Variants in GLTP observed in about 807,000 individuals in gnomAD.
The protein encoded by GLTP is glycolipid transfer protein.
GLTP carries 22 observed loss-of-function variants against 24.0 expected under a neutral mutation model. The ratio of observed to expected loss-of-function variants is 0.92; its 90% CI spans 0.65 to 1.31. GLTP has a LOEUF of 1.31. GLTP is among the 50% of genes most tolerant of loss of function. GLTP has a pLI of 0.00. For missense variants in GLTP, 224 were observed against 276.6 expected (o/e 0.81, Z 1.35); for synonymous variants, 92 against 115.9 (o/e 0.79, Z 1.33).
chr12:109,871,320 C>T (rs534215762), intron 1 of GLTP, among the ~76,000 whole-genome samples: 2 of 152,100 alleles, frequency 1.3e-5, no homozygotes, highest in East Asian at 1.9e-4. Context: ...CTCCTGACCT[C>T]GTGATCTACC....
At chr12:109,869,511 A>G (rs1868652627) in intron 1 of GLTP, among the ~76,000 whole-genome samples, 1 of 137,934 alleles carries the variant, frequency 7.2e-6, no homozygotes, top group African/African-American at 2.7e-5. Context: ...GCTGGAGTGC[A>G]GTGGCCTGAT....
At chr12:109,879,002 C>A (rs1868971638) in intron 1 of GLTP, among the ~76,000 whole-genome samples, 1 of 152,234 alleles carries the variant, frequency 6.6e-6, no homozygotes, top group African/African-American at 2.4e-5. Context: ...ACTTTACACA[C>A]ACCACCTCAT....
In GLTP at chr12:109,858,666, C is replaced by T. The variant is rs760619246; in HGVS notation, c.162+17G>A. On this transcript the variant is annotated intron_variant, in intron 2 of 4. Coordinates refer to ENST00000318348, the MANE Select transcript of GLTP (RefSeq NM_016433.4). ...TAACGCAAGTCTTGGGCTGTGGCTGCCCGGCCAGGTACATACCGTGATGTT... is the reference window on the plus strand; with the variant it reads ...TAACGCAAGTCTTGGGCTGTGGCTGTCCGGCCAGGTACATACCGTGATGTT... 3.4e-5 allele frequency: 54 copies of T among 1,604,212 alleles called. 1 individual carries two copies. The highest frequency in any genetic ancestry group is 3.0e-5 in the Non-Finnish European group (35 of 1,171,130).
intron 1 of GLTP, among the ~76,000 whole-genome samples, chr12:109,866,759 CTTTTT>C (rs35739263): frequency 8.5e-5 from 11 of 129,890 alleles, no homozygotes; most frequent in South Asian, 2.5e-4. Context: ...CTTTGTGTAT[CTTTTT>C]TTTTTTTTTT....
At chr12:109,873,838 A>G (rs1024257564) in intron 1 of GLTP, among the ~76,000 whole-genome samples, 2 of 152,046 alleles carry the variant, frequency 1.3e-5, no homozygotes, top group African/African-American at 4.8e-5. Flanking sequence ...ACACACACAC[A>G]CAACCAGCCA....
At chr12:109,868,880 A>C (rs1334719134) in intron 1 of GLTP, among the ~76,000 whole-genome samples, 1 of 152,164 alleles carries the variant, frequency 6.6e-6, no homozygotes, top group Non-Finnish European at 1.5e-5. Flanking sequence ...TCTGCTTACT[A>C]TAAGGCCTAT....
In GLTP at chr12:109,855,586, G is replaced by A; in HGVS notation, c.447+33C>T. ...GAGTGGGGAGCAGAATCTGCAAGCT[G>A]GTGGTCCTTTGGGGCTCATGGGGGT... On this transcript the variant is annotated intron_variant, in intron 4 of 4. Coordinates refer to ENST00000318348, the MANE Select transcript of GLTP (RefSeq NM_016433.4). This position sits in a 1 kb window ranked among gnomAD's most constrained non-coding sequence, Gnocchi z 4.1. The A allele has an allele frequency of 6.6e-7, 1 of 1,517,386 alleles. No individual in the cohort carries two copies. 94.0% of individuals were successfully genotyped at this position (1,517,386 alleles called of 1,614,324 possible).
intron 1 of GLTP, among the ~76,000 whole-genome samples, chr12:109,871,767 G>A (rs192270158): frequency 7.2e-5 from 11 of 152,338 alleles, no homozygotes; most frequent in Middle Eastern, 6.8e-3. Flanking sequence ...ACGGTCATAC[G>A]TTATATTTTA....
chr12:109,867,722 C>A (rs948517941), intron 1 of GLTP, among the ~76,000 whole-genome samples: 4 of 152,056 alleles, frequency 2.6e-5, no homozygotes, highest in Non-Finnish European at 5.9e-5. Context: ...CTCATTGTAT[C>A]ACCAAGGATG....
At chr12:109,879,851 A>C (rs1340010202) in intron 1 of GLTP, among the ~76,000 whole-genome samples, 1 of 152,042 alleles carries the variant, frequency 6.6e-6, no homozygotes, top group Non-Finnish European at 1.5e-5. Flanking sequence ...ATTCATTGTA[A>C]GGGGAGCGAG....
intron 1 of GLTP, among the ~76,000 whole-genome samples, chr12:109,859,604 ATTTT>A (rs34889804): frequency 1.3e-5 from 2 of 151,266 alleles, no homozygotes; most frequent in Admixed American, 6.6e-5. Context: ...AACAAAAAAG[ATTTT>A]TTTTAAAAAA....
chr12:109,872,658 C>T (rs1204956417), intron 1 of GLTP, among the ~76,000 whole-genome samples: 1 of 152,228 alleles, frequency 6.6e-6, no homozygotes, highest in Non-Finnish European at 1.5e-5. Context: ...AAAAGCCTCA[C>T]TTACTACTTG....
At chr12:109,871,109 A>C in intron 1 of GLTP, among the ~76,000 whole-genome samples, 1 of 129,772 alleles carries the variant, frequency 7.7e-6, no homozygotes. Context: ...TTTTTCTGAG[A>C]CGGACTCTCG....
chr12:109,854,517 T>C (rs1892771310), intron 4 of GLTP, among the ~76,000 whole-genome samples: 1 of 152,332 alleles, frequency 6.6e-6, no homozygotes, highest in South Asian at 2.1e-4. Flanking sequence ...AAAGATGATA[T>C]TGAGGCTCAG....
chr12:109,873,103 G>C (rs1228546829), intron 1 of GLTP, among the ~76,000 whole-genome samples: 1 of 151,996 alleles, frequency 6.6e-6, no homozygotes, highest in Non-Finnish European at 1.5e-5. Flanking sequence ...AATTCTTCCA[G>C]TGTGGCCCTG....
chr12:109,869,893 C>T (rs1184314806), intron 1 of GLTP, among the ~76,000 whole-genome samples: 1 of 152,028 alleles, frequency 6.6e-6, no homozygotes, highest in African/African-American at 2.4e-5. Context: ...CCTCAGCCTC[C>T]TGAGTAGCTT....
At chr12:109,860,580 C>A (rs866333573) in intron 1 of GLTP, among the ~76,000 whole-genome samples, 1 of 148,518 alleles carries the variant, frequency 6.7e-6, no homozygotes, top group African/African-American at 2.5e-5. Flanking sequence ...TGGACTCAAG[C>A]GATCCTCCCG....
At position 109,880,269 on chromosome 12, in the gene GLTP, C is replaced by T. The variant is rs1463669419; in HGVS notation, c.103+3G>A. ...GCCGCCTCCCCCCTCCATTCCGGCT[C>T]ACCGAAGAAGGGCGGCAGGTGGGAC... On this transcript the variant is annotated splice_donor_region_variant and intron_variant, in intron 1 of 4. Coordinates refer to ENST00000318348, the MANE Select transcript of GLTP (RefSeq NM_016433.4). This position sits in a 1 kb window ranked among gnomAD's most constrained non-coding sequence, Gnocchi z 5.1. 6.3e-7 allele frequency: 1 copy of T among 1,577,904 alleles called. No homozygotes were observed. Among genetic ancestry groups the T allele is most frequent in the South Asian group, 1.1e-5 (1 of 89,730 alleles).
At position 109,874,636 on chromosome 12, in the gene GLTP, GC is replaced by G. The variant is rs533120043; in HGVS notation, c.103+5635del. Among the ~76,000 whole-genome samples, 550 of 152,334 alleles carry G rather than the reference GC, an allele frequency of 3.6e-3. 8 individuals carry two copies. Among genetic ancestry groups the G allele is most frequent in the African/African-American group, 0.012 (503 of 41,576 alleles). Reference sequence around the variant, plus strand: ...CTGGAGTGGCTGTGTTAATAAAGATGCCGAGGCTGTGTTTAGGCTCAAAGGG... The same window carrying G: ...CTGGAGTGGCTGTGTTAATAAAGATGCGAGGCTGTGTTTAGGCTCAAAGGG... On this transcript the variant is annotated intron_variant, in intron 1 of 4. Transcript: ENST00000318348.
Sources: gnomAD v4.1 joint callset for allele counts (sites outside exome capture counted in the v4.1 genomes callset) on GRCh38, gnomAD v4.1.1 for gene constraint, Gnocchi (gnomAD v3.1) non-coding constraint, MANE v1.5 for transcripts, NCBI Gene and HGNC (gene_info 2026-07-23, HGNC 2026-07-21) for gene names.